Variants in PTP4A3 observed in about 807,000 individuals in gnomAD.
PTP4A3 encodes protein tyrosine phosphatase 4A3, also known as protein tyrosine phosphatase type IVA 3.
PTP4A3 carries 9 observed loss-of-function variants against 15.2 expected under a neutral mutation model. The observed-to-expected ratio is 0.59, with a 90% CI of 0.36 to 1.03. The LOEUF (loss-of-function observed/expected upper bound fraction) is 1.03, where lower values mean the gene tolerates loss of function less well. PTP4A3 is among the 50% of genes least tolerant of loss of function. The pLI is 0.02. For missense variants in PTP4A3, 234 were observed against 252.1 expected, an observed-to-expected ratio of 0.93 and a Z score of 0.49; for synonymous variants, 95 against 102.0, an observed-to-expected ratio of 0.93 and a Z score of 0.41.
intron 1 of PTP4A3, among the ~76,000 whole-genome samples, chr8:141,393,792 A>C (rs144878282): frequency 6.6e-6 from 1 of 152,210 alleles, no homozygotes; most frequent in Non-Finnish European, 1.5e-5. Flanking sequence ...GGCACTGGAC[A>C]TGGGAGGCAG....
chr8:141,394,637 CAG>C (rs1172752253), intron 1 of PTP4A3, among the ~76,000 whole-genome samples: 1 of 152,206 alleles, frequency 6.6e-6, no homozygotes, highest in Non-Finnish European at 1.5e-5. Flanking sequence ...GGAGCAATGA[CAG>C]GTCTTCCTGG....
At chr8:141,405,372 C>T (rs1182301714) in intron 1 of PTP4A3, among the ~76,000 whole-genome samples, 1 of 152,192 alleles carries the variant, frequency 6.6e-6, no homozygotes, top group Non-Finnish European at 1.5e-5. Flanking sequence ...TTCCTCCAGG[C>T]CCCCCAACCT....
At chr8:141,418,467 G>A (rs187716264) in intron 1 of PTP4A3, among the ~76,000 whole-genome samples, 159 of 152,336 alleles carry the variant, frequency 1.0e-3, no homozygotes, top group African/African-American at 3.0e-3. Context: ...TGGCCCTGGT[G>A]GAGAATGTTC....
chr8:141,400,619 C>T (rs1158915198), intron 1 of PTP4A3, among the ~76,000 whole-genome samples: 3 of 152,216 alleles, frequency 2.0e-5, no homozygotes, highest in African/African-American at 2.4e-5. Flanking sequence ...ATGTGCGTCT[C>T]GGCACCGGGG....
chr8:141,420,065 G>A (rs927682612), intron 1 of PTP4A3, among the ~76,000 whole-genome samples: 3 of 152,216 alleles, frequency 2.0e-5, no homozygotes, highest in Non-Finnish European at 2.9e-5. Context: ...CTGCACCTGG[G>A]CTGAAGCTCC....
At chr8:141,414,560 G>A (rs1473174022) in intron 1 of PTP4A3, among the ~76,000 whole-genome samples, 1 of 151,672 alleles carries the variant, frequency 6.6e-6, no homozygotes, top group East Asian at 1.9e-4. Flanking sequence ...TGAGGAGCAG[G>A]AGAGGTTCGG....
intron 4 of PTP4A3, among the ~76,000 whole-genome samples, 162 bp from the exon 5 acceptor site, chr8:141,427,588 G>T (rs1833636929): frequency 6.6e-6 from 1 of 152,238 alleles, no homozygotes; most frequent in South Asian, 2.1e-4. Context: ...TAGACCCAGT[G>T]CTCAGGCTGG....
chr8:141,419,909 A>G (rs1265769367), intron 1 of PTP4A3, among the ~76,000 whole-genome samples: 1 of 152,084 alleles, frequency 6.6e-6, no homozygotes, highest in Non-Finnish European at 1.5e-5. Context: ...TCCCAGAACC[A>G]TGCAGTGGAC....
intron 1 of PTP4A3, among the ~76,000 whole-genome samples, chr8:141,398,882 CGG>C (rs1832514935): frequency 6.6e-6 from 1 of 152,086 alleles, no homozygotes; most frequent in African/African-American, 2.4e-5. Context: ...CCTGTTCCCA[CGG>C]CCTCGTCCTC....
chr8:141,397,499 C>G (rs571846763), intron 1 of PTP4A3, among the ~76,000 whole-genome samples: 2 of 152,238 alleles, frequency 1.3e-5, no homozygotes, highest in African/African-American at 4.8e-5. Flanking sequence ...ATGACAACTC[C>G]GCCACCTGGC....
chr8:141,404,355 T>C (rs1288839264), intron 1 of PTP4A3, among the ~76,000 whole-genome samples: 2 of 152,242 alleles, frequency 1.3e-5, no homozygotes, highest in Non-Finnish European at 2.9e-5. Context: ...GGGTAGAAAC[T>C]GGATCAAGGA....
At chr8:141,417,500 C>T (rs1228340820) in intron 1 of PTP4A3, among the ~76,000 whole-genome samples, 3 of 152,116 alleles carry the variant, frequency 2.0e-5, no homozygotes, top group Non-Finnish European at 4.4e-5. Context: ...ATTTCCATTT[C>T]CAAAGCTGGG....
intron 1 of PTP4A3, among the ~76,000 whole-genome samples, chr8:141,397,517 C>T (rs575805164): frequency 2.6e-5 from 4 of 152,378 alleles, no homozygotes; most frequent in African/African-American, 7.2e-5. Flanking sequence ...GGCTGCCCCA[C>T]GCTGGGCACA....
At chr8:141,394,820 G>A (rs1021371967) in intron 1 of PTP4A3, among the ~76,000 whole-genome samples, 13 of 152,290 alleles carry the variant, frequency 8.5e-5, no homozygotes, top group African/African-American at 2.9e-4. Flanking sequence ...TTGGGTGGGA[G>A]TGGCTGTGGG....
intron 1 of PTP4A3, among the ~76,000 whole-genome samples, chr8:141,402,045 G>A (rs944777571): frequency 2.6e-5 from 4 of 152,234 alleles, no homozygotes; most frequent in African/African-American, 9.6e-5. Flanking sequence ...CCTGGGTCGG[G>A]GCTGGAGGAG....
At position 141,425,031 on chromosome 8, in the gene PTP4A3, C is replaced by T. The variant is rs201230941; in HGVS notation, c.106-17C>T. ...AGCCCCAGCCCAGCCCTGCCTCCTC[C>T]GTCCTCCCACCCCCAGGACCTGAAG... On this transcript the variant is annotated splice_polypyrimidine_tract_variant and intron_variant, in intron 2 of 5. Coordinates refer to ENST00000521578, the MANE Select transcript of PTP4A3 (RefSeq NM_032611.3). The surrounding 1 kb of genome is among the most constrained non-coding windows in gnomAD (Gnocchi z 4.2). 1.2e-5 allele frequency: 20 copies of T among 1,605,538 alleles called. No individual in the cohort carries two copies. The highest frequency in any genetic ancestry group is 4.4e-5 in the South Asian group (4 of 90,836).
At chr8:141,401,030 G>T (rs978982346) in intron 1 of PTP4A3, among the ~76,000 whole-genome samples, 3 of 152,072 alleles carry the variant, frequency 2.0e-5, no homozygotes, top group African/African-American at 7.3e-5. Flanking sequence ...GGCTCCTCCT[G>T]GGGACCCAGG....
intron 1 of PTP4A3, among the ~76,000 whole-genome samples, chr8:141,404,532 G>A (rs751907858): frequency 1.4e-4 from 22 of 152,220 alleles, no homozygotes; most frequent in Admixed American, 3.9e-4. Context: ...CTTTCTCCTC[G>A]TGAGCTCTCT....
intron 1 of PTP4A3, among the ~76,000 whole-genome samples, chr8:141,419,697 G>A (rs1405788703): frequency 1.3e-5 from 2 of 151,550 alleles, no homozygotes. Context: ...TCAGCCTCCC[G>A]AGTAGCTGGG....
Sources: gnomAD v4.1 joint callset for allele counts (sites outside exome capture counted in the v4.1 genomes callset) on GRCh38, gnomAD v4.1.1 for gene constraint, Gnocchi (gnomAD v3.1) non-coding constraint, MANE v1.5 for transcripts, NCBI Gene and HGNC (gene_info 2026-07-23, HGNC 2026-07-21) for gene names.